The following GDAP2 variants were observed in gnomAD, a reference collection of about 807,000 sequenced individuals.
The protein encoded by GDAP2 is ganglioside induced differentiation associated protein 2.
In GDAP2, 51 loss-of-function variants were observed where a neutral mutation model predicts 67.0. The ratio of observed to expected loss-of-function variants is 0.76; its 90% confidence interval spans 0.61 to 0.96. The LOEUF is 0.96. Ranked by LOEUF, GDAP2 falls within the 40% of genes least tolerant of loss-of-function variation. The probability of loss-of-function intolerance (pLI) is 0.00; values close to 1 mark genes in which losing one functional copy is unlikely to be tolerated. For synonymous variants in GDAP2, 203 were observed against 207.3 expected, an observed-to-expected ratio of 0.98 and a Z score of 0.18; for missense variants, 547 against 588.3, an observed-to-expected ratio of 0.93 and a Z score of 0.73.
At chr1:117,874,456 T>C (rs1648389183) in intron 13 of GDAP2, among the ~76,000 whole-genome samples, 1 of 152,218 alleles carries the variant, frequency 6.6e-6, no homozygotes, top group African/African-American at 2.4e-5. Flanking sequence ...CTGAAGTAGA[T>C]GCTGGTGTGA....
chr1:117,888,026 T>G (rs1028585213), intron 8 of GDAP2, among the ~76,000 whole-genome samples: 1 of 152,134 alleles, frequency 6.6e-6, no homozygotes, highest in Non-Finnish European at 1.5e-5. Flanking sequence ...CAAATGAAGG[T>G]TGTACAGGTA....
chr1:117,875,351 T>C (rs1025923031), intron 13 of GDAP2, among the ~76,000 whole-genome samples: 2 of 152,232 alleles, frequency 1.3e-5, no homozygotes, highest in African/African-American at 4.8e-5. Flanking sequence ...GTGCAAGCTA[T>C]AAGCTTTGGT....
intron 13 of GDAP2, chr1:117,877,078 T>A (rs186374849): frequency 3.9e-5 from 6 of 154,364 alleles, no homozygotes; most frequent in African/African-American, 1.4e-4. Context: ...TTTGTATCTA[T>A]GATCCAGCTG....
intron 3 of GDAP2, among the ~76,000 whole-genome samples, chr1:117,917,036 GAAA>G (rs771487535): frequency 1.6e-5 from 2 of 124,904 alleles, no homozygotes; most frequent in Admixed American, 8.2e-5. Flanking sequence ...TCTGTCTCAG[GAAA>G]AAAAAAAAAA....
chr1:117,915,760 G>A (rs1570992140), intron 3 of GDAP2, among the ~76,000 whole-genome samples: 1 of 151,990 alleles, frequency 6.6e-6, no homozygotes, highest in African/African-American at 2.4e-5. Flanking sequence ...TTTTTTCAGG[G>A]AGGAAATTTA....
chr1:117,924,533 C>A (rs1430218196), intron 1 of GDAP2, among the ~76,000 whole-genome samples: 1 of 152,210 alleles, frequency 6.6e-6, no homozygotes, highest in African/African-American at 2.4e-5. Flanking sequence ...GCATGCCCTT[C>A]CACAATACAT....
At chr1:117,906,639 A>C (rs1438166842) in intron 5 of GDAP2, 57 bp from the exon 6 acceptor site, 1 of 907,226 alleles carries the variant, frequency 1.1e-6, no homozygotes, top group African/African-American at 1.7e-5. Flanking sequence ...ATACATAAAG[A>C]AAAATCAAGC....
chr1:117,891,044 G>A (rs528258164), intron 8 of GDAP2, among the ~76,000 whole-genome samples: 56 of 151,542 alleles, frequency 3.7e-4, no homozygotes, highest in Non-Finnish European at 4.4e-4. Context: ...TGGTAAGTAC[G>A]ATACAAATAT....
intron 7 of GDAP2, among the ~76,000 whole-genome samples, chr1:117,898,022 T>C (rs1212367057): frequency 6.6e-6 from 1 of 152,176 alleles, no homozygotes; most frequent in African/African-American, 2.4e-5. Context: ...GGCCTACATC[T>C]ATCACAAAAA....
Position 117,887,708 on chromosome 1 carries a change from T to C in GDAP2, c.1020A>G (p.Leu340=). ...TATATTTAAGCTCACCTGTTTGGTA[T>C]AAGGCTTTTAGAGAAGCAATATCAG... ...DLSDIASLKA[L]YQTGVDNCGR... Residue 340 remains leucine (L), a synonymous_variant, in exon 9 of 14, where the codon TTA becomes TTG. Coordinates refer to ENST00000369443, the MANE Select transcript of GDAP2 (RefSeq NM_017686.4). 6.5e-7 allele frequency: 1 copy of C among 1,540,796 alleles called. No individual in the cohort carries two copies. The highest frequency in any genetic ancestry group is 9.0e-7 in the Non-Finnish European group (1 of 1,113,648).
At chr1:117,900,313 G>C (rs1271128375) in intron 6 of GDAP2, among the ~76,000 whole-genome samples, 2 of 151,970 alleles carry the variant, frequency 1.3e-5, no homozygotes, top group African/African-American at 4.8e-5. Flanking sequence ...ATTCACAAAG[G>C]GGGTACAAGG....
At position 117,891,508 on chromosome 1, in the gene GDAP2, A is replaced by C. The variant is rs1462261130; in HGVS notation, c.954-3734T>G. Among the ~76,000 whole-genome samples, 3 of 152,198 alleles carry C rather than the reference A, an allele frequency of 2.0e-5. No individual in the cohort carries two copies. The East Asian group carries it at 5.8e-4, about 29-fold the overall frequency. ...TGGTAAAGCATTTCTCTGGTCAGTA[A>C]TGAGGTTGAGATTCTGCTCATGTTG... is the stretch of plus-strand genomic sequence containing the variant. On this transcript the variant is annotated intron_variant, in intron 8 of 13. Coordinates refer to ENST00000369443, the MANE Select transcript of GDAP2 (RefSeq NM_017686.4).
chr1:117,888,512 A>C (rs759607958), intron 8 of GDAP2, among the ~76,000 whole-genome samples: 2 of 152,172 alleles, frequency 1.3e-5, no homozygotes, highest in African/African-American at 4.8e-5. Context: ...CCAGCCTATT[A>C]AATAGTAGAG....
rs1648132058 is a variant in GDAP2 at position 117,867,923 on chromosome 1, T to A, written c.*2646A>T. The stretch of plus-strand genomic sequence containing the variant: ...GCAAGAAGTGTACTTGTTTTAAAAA[T>A]CATATTATGCCTTGCATGATTAATA... On this transcript the variant is annotated 3_prime_UTR_variant, in exon 14 of 14. Coordinates refer to ENST00000369443, the MANE Select transcript of GDAP2 (RefSeq NM_017686.4). The A allele has an allele frequency of 6.6e-6, 1 of 152,196 alleles. No individual in the cohort carries two copies. The highest frequency in any genetic ancestry group is 2.4e-5 in the African/African-American group (1 of 41,456). The allele number at this position is 152,196 out of a possible 1,614,324, so 9.4% of individuals were successfully genotyped here.
intron 3 of GDAP2, chr1:117,913,494 G>A (rs1649935470): frequency 6.6e-6 from 1 of 151,870 alleles, no homozygotes; most frequent in African/African-American, 2.4e-5. Flanking sequence ...AGAACCCCAG[G>A]CACAGCTGAA....
At chr1:117,875,329 C>T (rs1648420331) in intron 13 of GDAP2, among the ~76,000 whole-genome samples, 1 of 152,240 alleles carries the variant, frequency 6.6e-6, no homozygotes, top group South Asian at 2.1e-4. Flanking sequence ...GCTCAGGCAA[C>T]AGCTCTGGAG....
Position 117,929,591 on chromosome 1 carries a change from T to TG in GDAP2, c.-212dup, listed in dbSNP as rs1650612699. On this transcript the variant is annotated 5_prime_UTR_variant, in exon 1 of 14. Coordinates refer to ENST00000369443, the MANE Select transcript of GDAP2 (RefSeq NM_017686.4). Reference sequence around the variant, plus strand: ...GTCCCAGGAGACTGGAGTGACCAGCTGCAAATGCTCTGGGCTGCGAAACAC... The same window carrying TG: ...GTCCCAGGAGACTGGAGTGACCAGCTGGCAAATGCTCTGGGCTGCGAAACAC... The TG allele has an allele frequency of 6.6e-6, 1 of 152,320 alleles. No individual in the cohort carries two copies. The highest frequency in any genetic ancestry group is 1.5e-5 in the Non-Finnish European group (1 of 68,114). The allele number at this position is 152,320 out of a possible 1,614,324, so 9.4% of individuals were successfully genotyped here.
chr1:117,905,958 A>G (rs1191189791), intron 6 of GDAP2, among the ~76,000 whole-genome samples: 1 of 152,224 alleles, frequency 6.6e-6, no homozygotes, highest in Non-Finnish European at 1.5e-5. Flanking sequence ...TTGCTCAATA[A>G]TACAAAACTT....
rs1648105579 is a variant in GDAP2 at position 117,867,380 on chromosome 1, AT to A, written c.*3188del. The A allele has an allele frequency of 6.6e-6, 1 of 152,070 alleles. No homozygotes were observed. Among genetic ancestry groups the A allele is most frequent in the Non-Finnish European group, 1.5e-5 (1 of 68,002 alleles). 9.4% of individuals were successfully genotyped at this position (152,070 alleles called of 1,614,324 possible). Reference sequence around the variant, plus strand: ...GCTAATTACTCTCAAAATACTGCAGATGTATTCCTTTGAAAAAGGAAATACA... The same window carrying A: ...GCTAATTACTCTCAAAATACTGCAGAGTATTCCTTTGAAAAAGGAAATACA... On this transcript the variant is annotated 3_prime_UTR_variant, in exon 14 of 14. Transcript: ENST00000369443.
Sources: allele counts gnomAD v4.1 joint callset (sites outside exome capture counted in the v4.1 genomes callset), GRCh38; gene constraint gnomAD v4.1.1; transcripts MANE v1.5; gene names NCBI Gene and HGNC (gene_info 2026-07-23, HGNC 2026-07-21).